The following DNAH9 variants were observed in gnomAD, a reference collection of about 807,000 sequenced individuals.
The protein encoded by DNAH9 is DNAH9 variant protein.
DNAH9 carries 345 observed loss-of-function variants against 471.6 expected under a neutral mutation model. That is an observed-to-expected ratio of 0.73 (90% CI 0.67 to 0.80). The LOEUF is 0.80. Among genes scored for constraint, DNAH9 ranks in the 30% least tolerant of loss-of-function variants. The pLI, the probability that DNAH9 is intolerant of heterozygous loss-of-function variation, is 0.00. For missense variants in DNAH9, 5,407 were observed against 5,609.2 expected, an observed-to-expected ratio of 0.96 and a Z score of 1.15; for synonymous variants, 2,093 against 2,123.6, an observed-to-expected ratio of 0.99 and a Z score of 0.40.
chr17:11,882,502 C>A (rs552430223), intron 55 of DNAH9, among the ~76,000 whole-genome samples: 1 of 152,178 alleles, frequency 6.6e-6, no homozygotes, highest in East Asian at 1.9e-4. Flanking sequence ...GTTCAGGGCT[C>A]CCTGGGACTC....
intron 8 of DNAH9, among the ~76,000 whole-genome samples, chr17:11,633,292 T>C (rs2073102568): frequency 6.6e-6 from 1 of 152,228 alleles, no homozygotes; most frequent in African/African-American, 2.4e-5. Flanking sequence ...AGAGGCTTAT[T>C]CTGTAAAGCT....
At chr17:11,604,387 A>C (rs1417903645) in intron 1 of DNAH9, among the ~76,000 whole-genome samples, 1 of 151,544 alleles carries the variant, frequency 6.6e-6, no homozygotes, top group African/African-American at 2.4e-5. Context: ...TCTTCTCTCT[A>C]TATACACCCA....
intron 11 of DNAH9, among the ~76,000 whole-genome samples, 179 bp from the exon 12 acceptor site, chr17:11,646,893 A>G (rs1184080947): frequency 6.6e-6 from 1 of 152,198 alleles, no homozygotes; most frequent in Non-Finnish European, 1.5e-5. Context: ...AGCATGGGCA[A>G]CAAGAGCGAA....
chr17:11,952,800 G>C (rs1453277289), intron 67 of DNAH9, among the ~76,000 whole-genome samples: 5 of 152,086 alleles, frequency 3.3e-5, no homozygotes, highest in Admixed American at 1.3e-4. Flanking sequence ...AGGGCTGTAT[G>C]AGTCAGGTAC....
chr17:11,647,602 A>G (rs1033996036), intron 12 of DNAH9, among the ~76,000 whole-genome samples: 1 of 152,198 alleles, frequency 6.6e-6, no homozygotes, highest in African/African-American at 2.4e-5. Flanking sequence ...GGTAACAAAC[A>G]TAGCCCACTG....
rs201818768 is a variant in DNAH9, at chr17:11,962,050, A to G, written c.13027A>G (p.Thr4343Ala). 1.9e-6 allele frequency: 3 copies of G among 1,614,188 alleles called. No homozygotes were observed. The African/African-American group carries it at 4.0e-5, about 22-fold the overall frequency. The change falls in exon 68 of 69, where the codon ACT becomes GCT. Residue 4343 changes from threonine (T) to alanine (A), a missense_variant. By Grantham distance (58) the Thr-to-Ala change is moderately conservative. Coordinates refer to ENST00000262442, the MANE Select transcript of DNAH9 (RefSeq NM_001372.4). The surrounding 1 kb of genome is among the most constrained non-coding windows in gnomAD (Gnocchi z 4.1). ...AWTGDFTMPS[T>A]VWLTGFFNPQ... ...GACGGGTGACTTTACAATGCCCTCC[A>G]CTGTGTGGCTGACAGGCTTCTTCAA...
At chr17:11,630,602 G>A (rs2073048573) in intron 7 of DNAH9, 1 of 152,098 alleles carries the variant, frequency 6.6e-6, no homozygotes, top group African/African-American at 2.4e-5. Flanking sequence ...ATGCATGCGG[G>A]GCTTAAAACC....
chr17:11,628,037 C>T (rs1200454836), intron 6 of DNAH9, among the ~76,000 whole-genome samples: 1 of 152,124 alleles, frequency 6.6e-6, no homozygotes, highest in Non-Finnish European at 1.5e-5. Context: ...CATGGTGCAC[C>T]CCTTAAACCT....
chr17:11,680,260 T>C (rs554165201), intron 18 of DNAH9, among the ~76,000 whole-genome samples: 1 of 148,264 alleles, frequency 6.7e-6, no homozygotes, highest in Non-Finnish European at 1.5e-5. Context: ...AAAAAGCAGA[T>C]CTGAAATATG....
rs1387536322 is a variant in DNAH9 at position 11,807,816 on chromosome 17, A to C, written c.8505A>C (p.Thr2835=). The C allele has an allele frequency of 5.0e-6, 8 of 1,613,948 alleles. No individual in the cohort carries two copies. The highest frequency in any genetic ancestry group is 5.9e-6 in the Non-Finnish European group (7 of 1,179,972). The part of the protein sequence containing the change: ...GVGGSGKQSL[T]RLAAFISSMD... ...GTGGGAGCGGCAAGCAGAGCCTGACAAGGCTGGCAGCTTTCATCAGCTCCA... is the reference window on the plus strand; with the variant it reads ...GTGGGAGCGGCAAGCAGAGCCTGACCAGGCTGGCAGCTTTCATCAGCTCCA... The change falls in exon 44 of 69, where the codon ACA becomes ACC. Residue 2835 remains threonine, a synonymous_variant. Coordinates refer to ENST00000262442, the MANE Select transcript of DNAH9 (RefSeq NM_001372.4).
At chr17:11,886,760 C>A in intron 56 of DNAH9, 65 bp from the exon 57 acceptor site, 1 of 1,546,016 alleles carries the variant, frequency 6.5e-7, no homozygotes, top group Non-Finnish European at 8.7e-7. Context: ...CACAGAGGGG[C>A]CAAGTTGATT....
intron 4 of DNAH9, among the ~76,000 whole-genome samples, chr17:11,616,947 A>G (rs1346068393): frequency 1.3e-5 from 2 of 152,310 alleles, no homozygotes; most frequent in Non-Finnish European, 2.9e-5. Flanking sequence ...AAAGATTCCT[A>G]TTGAACTACC....
At chr17:11,870,975 G>C (rs1163150052) in intron 51 of DNAH9, among the ~76,000 whole-genome samples, 4 of 152,042 alleles carry the variant, frequency 2.6e-5, no homozygotes, top group Non-Finnish European at 4.4e-5. Flanking sequence ...AAAAAATAAA[G>C]GGTGAGTCCT....
At chr17:11,757,079 G>A (rs1178079531) in intron 34 of DNAH9, among the ~76,000 whole-genome samples, 2 of 152,060 alleles carry the variant, frequency 1.3e-5, no homozygotes, top group East Asian at 3.9e-4. Flanking sequence ...AAGAAGCAGG[G>A]AGTAGAATGT....
chr17:11,785,144 C>G (rs1968816965), intron 41 of DNAH9, among the ~76,000 whole-genome samples: 1 of 152,076 alleles, frequency 6.6e-6, no homozygotes. Flanking sequence ...TGGCTCATCA[C>G]CATCAAAGTC....
At chr17:11,803,620 G>A (rs1056377983) in intron 43 of DNAH9, among the ~76,000 whole-genome samples, 1 of 152,200 alleles carries the variant, frequency 6.6e-6, no homozygotes, top group African/African-American at 2.4e-5. Flanking sequence ...TCAGAGGTTG[G>A]TAATGAATCC....
chr17:11,673,688 A>G (rs1392741538), intron 17 of DNAH9, among the ~76,000 whole-genome samples: 1 of 151,884 alleles, frequency 6.6e-6, no homozygotes, highest in African/African-American at 2.4e-5. Context: ...CAATTTAGAG[A>G]ACAATATTAA....
intron 61 of DNAH9, among the ~76,000 whole-genome samples, chr17:11,906,464 C>G (rs1973601379): frequency 6.6e-6 from 1 of 151,596 alleles, no homozygotes; most frequent in South Asian, 2.1e-4. Context: ...CCATCTCTAC[C>G]AAAATCACAA....
chr17:11,883,642 C>T lies in DNAH9; in HGVS notation c.10863C>T (p.Asp3621=), dbSNP rs371725793. ...AAATTACCCTGAAAACGTTGGAAGA[C>T]AGTCTTCTCTCTCGCCTCTCCTCCG... The part of the protein sequence containing the change: ...GFKITLKTLE[D]SLLSRLSSAS... The change falls in exon 56 of 69, where the codon GAC becomes GAT. Residue 3621 remains aspartate, a synonymous_variant. Transcript: ENST00000262442. 3.1e-6 allele frequency: 5 copies of T among 1,614,042 alleles called. No homozygotes were observed. The highest frequency in any genetic ancestry group is 1.3e-5 in the African/African-American group (1 of 74,918).
Sources: allele counts gnomAD v4.1 joint callset (sites outside exome capture counted in the v4.1 genomes callset), GRCh38; gene constraint gnomAD v4.1.1; non-coding constraint Gnocchi (gnomAD v3.1); transcripts MANE v1.5; gene names NCBI Gene and HGNC (gene_info 2026-07-23, HGNC 2026-07-21).